ZNF891: variants seen among roughly 807,000 people sequenced by gnomAD.
ZNF891 encodes the protein zinc finger protein 891.
For missense variants in ZNF891, 589 were observed against 632.7 expected (o/e 0.93, Z 0.74); for synonymous variants, 199 against 209.0 (o/e 0.95, Z 0.41).
chr12:133,106,849 A>AT lies in ZNF891; in HGVS notation c.*13434dup, dbSNP rs1192305501. 2.7e-5 allele frequency: 12 copies of AT among 446,758 alleles called. No individual in the cohort carries two copies. The highest frequency in any genetic ancestry group is 3.9e-5 in the Admixed American group (1 of 25,418). 27.7% of individuals were successfully genotyped at this position (446,758 alleles called of 1,614,324 possible). A position where few individuals can be genotyped will look rare whatever the true frequency, so the allele number is the denominator to read the frequency against. ...AAAAGCCATTAATAACCACTCTTTT[A>AT]TTTTTTTGCAATAACAAGGTGAAAT... On this transcript the variant is annotated 3_prime_UTR_variant, in exon 2 of 2. Coordinates refer to ENST00000537226, the MANE Select transcript of ZNF891 (RefSeq NM_001277291.2).
Position 133,116,341 on chromosome 12 carries a change from T to C in ZNF891, c.*3943A>G, listed in dbSNP as rs1955715076. 6.6e-6 allele frequency: 1 copy of C among 152,266 alleles called. No homozygotes were observed. Among genetic ancestry groups the C allele is most frequent in the South Asian group, 2.1e-4 (1 of 4,824 alleles). 9.4% of individuals were successfully genotyped at this position (152,266 alleles called of 1,614,324 possible). On this transcript the variant is annotated 3_prime_UTR_variant, in exon 2 of 2. Transcript: ENST00000537226. ...GGATGGTCTCAATCTCCTGACCTCG[T>C]GATCCGCCTGCCTCGGCCTCCCAAA...
rs1593815144 is a variant in ZNF891 at position 133,106,589 on chromosome 12, G to A, written c.*13695C>T. ...TAAACATCAGAGGACACACACTCTT[G>A]ACAACCCCTATGAATATGAAAATTC... On this transcript the variant is annotated 3_prime_UTR_variant, in exon 2 of 2. Coordinates refer to ENST00000537226, the MANE Select transcript of ZNF891 (RefSeq NM_001277291.2). 1 of 1,613,058 alleles carries A rather than the reference G, an allele frequency of 6.2e-7. No individual in the cohort carries two copies. Among genetic ancestry groups the A allele is most frequent in the Non-Finnish European group, 8.5e-7 (1 of 1,179,760 alleles).
chr12:133,121,844 A>G lies in ZNF891; in HGVS notation c.75T>C (p.Ala25=), dbSNP rs1468793239. 5.2e-6 allele frequency: 8 copies of G among 1,536,622 alleles called. No homozygotes were observed. The East Asian group carries it at 2.0e-4, about 38-fold the overall frequency. Reference sequence around the variant, plus strand: ...ATACAGCAATCATCCTTTCCTCTTCAGCATTTCTCAGATGGAAACAGGCAG... The same window carrying G: ...ATACAGCAATCATCCTTTCCTCTTCGGCATTTCTCAGATGGAAACAGGCAG... ...QDSACFHLRN[A]EEERMIAVFL... The change falls in exon 2 of 2, where the codon GCT becomes GCC. Residue 25 remains alanine (A), a synonymous_variant. Coordinates refer to ENST00000537226, the MANE Select transcript of ZNF891 (RefSeq NM_001277291.2).
Position 133,120,359 on chromosome 12 carries a change from T to C in ZNF891, c.1560A>G (p.Gln520=), listed in dbSNP as rs61754950. The change falls in exon 2 of 2, where the codon CAA becomes CAG. Residue 520 remains glutamine (Q), a synonymous_variant. Transcript: ENST00000537226. Reference sequence around the variant, plus strand: ...AGCTCTGACTGAAGGCTTTTCCACATTGAATACATTCATAGGGTTTCTCTC... The same window carrying C: ...AGCTCTGACTGAAGGCTTTTCCACACTGAATACATTCATAGGGTTTCTCTC... The part of the protein sequence containing the change: ...HTGEKPYECI[Q]CGKAFSQSSS... The C allele has an allele frequency of 3.0e-4, 471 of 1,585,590 alleles. 2 individuals carry two copies. In the African/African-American group the frequency reaches 5.5e-3, roughly 18 times the overall value.
chr12:133,121,602 C>A lies in ZNF891; in HGVS notation c.317G>T (p.Arg106Ile), dbSNP rs901960665. Residue 106 changes from arginine (R) to isoleucine (I), a missense_variant, in exon 2 of 2, where the codon AGA becomes ATA. Transcript: ENST00000537226. Reference protein sequence around the residue: ...DQEEIRNMKKRIPQAICPDQK... With the variant: ...DQEEIRNMKKIIPQAICPDQK... ...GTCTGGACAGATGGCTTGGGGAATT[C>A]TCTTTTTCATATTCCTTATCTCTTC... The A allele has an allele frequency of 8.0e-5, 123 of 1,536,354 alleles. No homozygotes were observed. The highest frequency in any genetic ancestry group is 1.0e-4 in the Non-Finnish European group (120 of 1,146,996).
rs1368526259 is a variant in ZNF891, at chr12:133,119,443, T to TAC, written c.*840_*841insGT. 6.6e-6 allele frequency: 1 copy of TAC among 152,318 alleles called. No individual in the cohort carries two copies. The allele number at this position is 152,318 out of a possible 1,614,324, so 9.4% of individuals were successfully genotyped here. ...CTGTAATCCCAGCTACTCAGGAGGCTGAGGCAGGAGAATCACCTGAACCTG... is the reference window on the plus strand; with the variant it reads ...CTGTAATCCCAGCTACTCAGGAGGCTACGAGGCAGGAGAATCACCTGAACCTG... On this transcript the variant is annotated 3_prime_UTR_variant, in exon 2 of 2. Coordinates refer to ENST00000537226, the MANE Select transcript of ZNF891 (RefSeq NM_001277291.2).
At position 133,111,981 on chromosome 12, in the gene ZNF891, AT is replaced by A. The variant is rs1955685473; in HGVS notation, c.*8302del. Reference sequence around the variant, plus strand: ...CAAAAATGTGATCTTTTTAAAACAAATAATTTCAATCTCTGAAAAACTTAAA... The same window carrying A: ...CAAAAATGTGATCTTTTTAAAACAAAAATTTCAATCTCTGAAAAACTTAAA... On this transcript the variant is annotated 3_prime_UTR_variant, in exon 2 of 2. Transcript: ENST00000537226. 6.6e-6 allele frequency: 1 copy of A among 152,156 alleles called. No homozygotes were observed. Among genetic ancestry groups the A allele is most frequent in the African/African-American group, 2.4e-5 (1 of 41,452 alleles). 9.4% of individuals were successfully genotyped at this position (152,156 alleles called of 1,614,324 possible). A position where few individuals can be genotyped will look rare whatever the true frequency, so the allele number is the denominator to read the frequency against.
chr12:133,106,118 G>A lies in ZNF891; in HGVS notation c.*14166C>T. The A allele has an allele frequency of 6.2e-7, 1 of 1,614,150 alleles. No homozygotes were observed. Among genetic ancestry groups the A allele is most frequent in the Non-Finnish European group, 8.5e-7 (1 of 1,180,028 alleles). Reference sequence around the variant, plus strand: ...ATATATATGTAGGAAATGTGGTAAAGCATTTAGCAGTGGCTCAGAACTCAT... The same window carrying A: ...ATATATATGTAGGAAATGTGGTAAAACATTTAGCAGTGGCTCAGAACTCAT... On this transcript the variant is annotated 3_prime_UTR_variant, in exon 2 of 2. Transcript: ENST00000537226.
rs576313088 is a variant in ZNF891 at position 133,117,702 on chromosome 12, T to G, written c.*2582A>C. On this transcript the variant is annotated 3_prime_UTR_variant, in exon 2 of 2. Coordinates refer to ENST00000537226, the MANE Select transcript of ZNF891 (RefSeq NM_001277291.2). Reference sequence around the variant, plus strand: ...TATTTTAAACATATTATCTCTTTACTCCAAATCTCTCCAGCTACTACCCTT... The same window carrying G: ...TATTTTAAACATATTATCTCTTTACGCCAAATCTCTCCAGCTACTACCCTT... 1.3e-5 allele frequency: 2 copies of G among 152,346 alleles called. No homozygotes were observed. Among genetic ancestry groups the G allele is most frequent in the South Asian group, 4.1e-4 (2 of 4,826 alleles). The allele number at this position is 152,346 out of a possible 1,614,324, so 9.4% of individuals were successfully genotyped here.
At position 133,109,194 on chromosome 12, in the gene ZNF891, A is replaced by G. The variant is rs1007755127; in HGVS notation, c.*11090T>C. 3 of 152,234 alleles carry G rather than the reference A, an allele frequency of 2.0e-5. No individual in the cohort carries two copies. Among genetic ancestry groups the G allele is most frequent in the African/African-American group, 7.2e-5 (3 of 41,460 alleles). The allele number at this position is 152,234 out of a possible 1,614,324, so 9.4% of individuals were successfully genotyped here. A position where few individuals can be genotyped will look rare whatever the true frequency, so the allele number is the denominator to read the frequency against. On this transcript the variant is annotated 3_prime_UTR_variant, in exon 2 of 2. Transcript: ENST00000537226. ...AAAAGACATTCCCGTCAGGGTATTA[A>G]GAAATACATTGGTGAGGAGTTTACC...
rs765515070 is a variant in ZNF891 at position 133,106,392 on chromosome 12, T to G, written c.*13892A>C. 2.5e-6 allele frequency: 4 copies of G among 1,614,218 alleles called. No individual in the cohort carries two copies. In the South Asian group the frequency reaches 3.3e-5, roughly 13 times the overall value. ...AAAGTTTTCACTTGGCATGCATCCCTTATTCAACATACGAAGAGTCACACT... is the reference window on the plus strand; with the variant it reads ...AAAGTTTTCACTTGGCATGCATCCCGTATTCAACATACGAAGAGTCACACT... On this transcript the variant is annotated 3_prime_UTR_variant, in exon 2 of 2. Coordinates refer to ENST00000537226, the MANE Select transcript of ZNF891 (RefSeq NM_001277291.2).
rs1291675492 is a variant in ZNF891 at position 133,116,754 on chromosome 12, T to C, written c.*3530A>G. Reference sequence around the variant, plus strand: ...CTGAGATTCCCTTAATAAACTCCCTTAATATCCTCAACTATTTCCCTGAAC... The same window carrying C: ...CTGAGATTCCCTTAATAAACTCCCTCAATATCCTCAACTATTTCCCTGAAC... On this transcript the variant is annotated 3_prime_UTR_variant, in exon 2 of 2. Coordinates refer to ENST00000537226, the MANE Select transcript of ZNF891 (RefSeq NM_001277291.2). 2 of 152,222 alleles carry C rather than the reference T, an allele frequency of 1.3e-5. No homozygotes were observed. The highest frequency in any genetic ancestry group is 4.8e-5 in the African/African-American group (2 of 41,440). The allele number at this position is 152,222 out of a possible 1,614,324, so 9.4% of individuals were successfully genotyped here. A position where few individuals can be genotyped will look rare whatever the true frequency, so the allele number is the denominator to read the frequency against.
In ZNF891 at chr12:133,108,868, A is replaced by G. The variant is rs1205979214; in HGVS notation, c.*11416T>C. On this transcript the variant is annotated 3_prime_UTR_variant, in exon 2 of 2. Coordinates refer to ENST00000537226, the MANE Select transcript of ZNF891 (RefSeq NM_001277291.2). The stretch of plus-strand genomic sequence containing the variant: ...TTTCAAACCTATATCAGAGAATTAC[A>G]CTGTGGGAAAACTACCATTGTAATA... 6.6e-6 allele frequency: 1 copy of G among 152,252 alleles called. No individual in the cohort carries two copies. The highest frequency in any genetic ancestry group is 1.5e-5 in the Non-Finnish European group (1 of 68,036). 9.4% of individuals were successfully genotyped at this position (152,252 alleles called of 1,614,324 possible).
At position 133,108,384 on chromosome 12, in the gene ZNF891, A is replaced by ATTAT. The variant is rs1004235290; in HGVS notation, c.*11896_*11899dup. ...AGCAAAATTAGGATATGAAAAATTC[A>ATTAT]TTATTTATTTATTTAAGAGTATACT... On this transcript the variant is annotated 3_prime_UTR_variant, in exon 2 of 2. Coordinates refer to ENST00000537226, the MANE Select transcript of ZNF891 (RefSeq NM_001277291.2). The ATTAT allele has an allele frequency of 6.6e-5, 10 of 151,942 alleles. No individual in the cohort carries two copies. The highest frequency in any genetic ancestry group is 2.0e-4 in the Admixed American group (3 of 15,226). The allele number at this position is 151,942 out of a possible 1,614,324, so 9.4% of individuals were successfully genotyped here. A position where few individuals can be genotyped will look rare whatever the true frequency, so the allele number is the denominator to read the frequency against.
rs1163444304 is a variant in ZNF891 at position 133,121,891 on chromosome 12, A to G, written c.28T>C (p.Trp10Arg). ...GCAGAGTCCTGTTTAGTTAAAGCCC[A>G]TGGGGAGGATAGGTCCATAACTGCC... MAVMDLSSP[W>R]ALTKQDSACF... The change falls in exon 2 of 2, where the codon TGG (tryptophan) becomes CGG (arginine). Residue 10 changes from tryptophan (W) to arginine (R), a missense_variant. Physicochemically the swap from Trp to Arg is moderately radical, Grantham distance 101. Transcript: ENST00000537226. 3 of 1,535,694 alleles carry G rather than the reference A, an allele frequency of 2.0e-6. No homozygotes were observed. The African/African-American group carries it at 4.1e-5, about 21-fold the overall frequency.
Position 133,121,254 on chromosome 12 carries a change from T to G in ZNF891, c.665A>C (p.Glu222Ala), listed in dbSNP as rs1446490997. The G allele has an allele frequency of 2.6e-6, 4 of 1,535,604 alleles. No homozygotes were observed. In the African/African-American group the frequency reaches 5.5e-5, roughly 21 times the overall value. The change falls in exon 2 of 2, where the codon GAG (glutamate) becomes GCG (alanine). Residue 222 changes from glutamate to alanine, a missense_variant. Glu to Ala is a moderately radical substitution (Grantham distance 107). Coordinates refer to ENST00000537226, the MANE Select transcript of ZNF891 (RefSeq NM_001277291.2). ...TGAATTGTGTTTCAAACATCCAATC[T>G]CTGAGTAACATTTTTGGCAATGTTT... The part of the protein sequence containing the change: ...TSKHCQKCYS[E>A]IGCLKHNSII...
intron 1 of ZNF891, among the ~76,000 whole-genome samples, chr12:133,124,573 G>A (rs1205246593): frequency 6.6e-6 from 1 of 151,268 alleles, no homozygotes; most frequent in Non-Finnish European, 1.5e-5. Context: ...TAAAGTTACC[G>A]AAGAAAAAAG....
In ZNF891 at chr12:133,117,452, GTAAA is replaced by G. The variant is rs896528832; in HGVS notation, c.*2828_*2831del. The G allele has an allele frequency of 3.3e-5, 5 of 152,346 alleles. No homozygotes were observed. Among genetic ancestry groups the G allele is most frequent in the Admixed American group, 2.6e-4 (4 of 15,308 alleles). The allele number at this position is 152,346 out of a possible 1,614,324, so 9.4% of individuals were successfully genotyped here. On this transcript the variant is annotated 3_prime_UTR_variant, in exon 2 of 2. Transcript: ENST00000537226. ...TGATCACTGCTTAGTACAGTTAGGTGTAAATAAATAAACAAGTAATTTAAACCAA... is the reference window on the plus strand; with the variant it reads ...TGATCACTGCTTAGTACAGTTAGGTGTAAATAAACAAGTAATTTAAACCAA...
In ZNF891 at chr12:133,106,069, A is replaced by G. The variant is rs710945; in HGVS notation, c.*14215T>C. 948,507 of 1,613,810 alleles carry G rather than the reference A, an allele frequency of 0.59. 286,043 individuals are homozygous for G. The highest frequency in any genetic ancestry group is 0.8 in the African/African-American group (60,077 of 74,972). ...GTGCCTCCAACCTCACTCGACATCA[A>G]AGAATTCACATAGGAAAGAAACAAT... On this transcript the variant is annotated 3_prime_UTR_variant, in exon 2 of 2. Transcript: ENST00000537226.
Sources: allele counts gnomAD v4.1 joint callset (sites outside exome capture counted in the v4.1 genomes callset), GRCh38; gene constraint gnomAD v4.1.1; transcripts MANE v1.5; gene names NCBI Gene and HGNC (gene_info 2026-07-23, HGNC 2026-07-21).